DNER: variants seen among roughly 807,000 people sequenced by gnomAD.
The protein encoded by DNER is delta and Notch-like epidermal growth factor-related receptor.
DNER carries 33 observed loss-of-function variants against 78.2 expected under a neutral mutation model. That is an observed-to-expected ratio of 0.42 (90% CI 0.32 to 0.56). The LOEUF (loss-of-function observed/expected upper bound fraction) is 0.56. Among genes scored for constraint, DNER ranks in the 20% least tolerant of loss-of-function variants. The probability of loss-of-function intolerance (pLI) is 0.11; values close to 1 mark genes in which losing one functional copy is unlikely to be tolerated. For missense variants in DNER, 918 were observed against 975.3 expected (o/e 0.94, Z 0.78); for synonymous variants, 417 against 384.8 (o/e 1.08, Z -0.98).
At chr2:229,502,893 C>T (rs1002199552) in intron 6 of DNER, among the ~76,000 whole-genome samples, 2 of 152,136 alleles carry the variant, frequency 1.3e-5, no homozygotes, top group African/African-American at 4.8e-5. Context: ...GGGGTGTCCC[C>T]CTTAGATATT....
At chr2:229,485,042 A>C (rs966599133) in intron 6 of DNER, among the ~76,000 whole-genome samples, 2 of 152,236 alleles carry the variant, frequency 1.3e-5, no homozygotes, top group African/African-American at 4.8e-5. Context: ...TCTATGAATA[A>C]GTAAAATAAT....
intron 1 of DNER, among the ~76,000 whole-genome samples, chr2:229,629,749 C>T (rs1698403229): frequency 6.6e-6 from 1 of 152,158 alleles, no homozygotes; most frequent in African/African-American, 2.4e-5. Context: ...GGGACAGCAC[C>T]CAGAAATGCA....
chr2:229,656,864 A>T (rs1574945929), intron 1 of DNER, among the ~76,000 whole-genome samples: 2 of 152,330 alleles, frequency 1.3e-5, no homozygotes, highest in East Asian at 3.9e-4. Flanking sequence ...GTTGAGGCAT[A>T]CTTAAGAAAT....
intron 6 of DNER, among the ~76,000 whole-genome samples, chr2:229,506,276 G>A (rs2154212120): frequency 6.6e-6 from 1 of 152,212 alleles, no homozygotes; most frequent in East Asian, 1.9e-4. Context: ...AGAAGAATGA[G>A]AACTGAGCAA....
intron 1 of DNER, among the ~76,000 whole-genome samples, chr2:229,673,426 T>C (rs1042478604): frequency 2.0e-5 from 3 of 152,216 alleles, no homozygotes; most frequent in African/African-American, 7.2e-5. Flanking sequence ...CTTGCCCTCC[T>C]GGGGAGGAAG....
intron 4 of DNER, among the ~76,000 whole-genome samples, chr2:229,568,285 A>G: frequency 6.6e-6 from 1 of 152,148 alleles, no homozygotes. Context: ...TCCTGGGCTT[A>G]AGCAATCTTC....
rs749447064 is a variant in DNER at position 229,495,033 on chromosome 2, T to C, written c.1147+17750A>G. On this transcript the variant is annotated intron_variant, in intron 6 of 12. Transcript: ENST00000341772. ...TTAAGTATTCTCTTCAGAACAACTT[T>C]CTCATTTTTTTGCAATATAGATAGA... Among the ~76,000 whole-genome samples the C allele has an allele frequency of 2.8e-4, 42 of 152,208 alleles. 2 individuals carry two copies. The highest frequency in any genetic ancestry group is 1.2e-4 in the African/African-American group (5 of 41,448).
rs141765451 is a variant in DNER at position 229,599,868 on chromosome 2, A to G, written c.277-7980T>C. ...CAATCTTAAACACAAATAAAATGTT[A>G]TGTATTTATTTGTATGTATATTTAC... On this transcript the variant is annotated intron_variant, in intron 1 of 12. Transcript: ENST00000341772. Among the ~76,000 whole-genome samples the G allele has an allele frequency of 4.2e-3, 642 of 152,330 alleles. 3 individuals carry two copies. Among genetic ancestry groups the G allele is most frequent in the Middle Eastern group, 0.017 (5 of 294 alleles).
In DNER at chr2:229,591,754, G is replaced by A. The variant is rs777335835; in HGVS notation, c.411C>T (p.Pro137=). The stretch of plus-strand genomic sequence containing the variant: ...CGGTCCAGCCAGTGGCTGGGAGACT[G>A]GGAAGTGCCTGTTCACAGTTGGGAC... The part of the protein sequence containing the change: ...YEGPNCEQAL[P]SLPATGWTES... The change falls in exon 2 of 13, where the codon CCC becomes CCT. Residue 137 remains proline, a synonymous_variant. Transcript: ENST00000341772. The surrounding 1 kb of genome is among the most constrained non-coding windows in gnomAD (Gnocchi z 4.6). 1.2e-5 allele frequency: 19 copies of A among 1,614,166 alleles called. No homozygotes were observed. The South Asian group carries it at 1.9e-4, about 16-fold the overall frequency.
intron 4 of DNER, among the ~76,000 whole-genome samples, chr2:229,578,246 G>A (rs1256529948): frequency 2.6e-5 from 4 of 152,006 alleles, no homozygotes; most frequent in South Asian, 4.2e-4. Flanking sequence ...CTCCCATCTC[G>A]TCCCTATCAC....
At chr2:229,571,599 T>C (rs559970232) in intron 4 of DNER, among the ~76,000 whole-genome samples, 2 of 152,270 alleles carry the variant, frequency 1.3e-5, no homozygotes, top group South Asian at 4.1e-4. Context: ...CTTCTACCCC[T>C]GGCCTCCCCG....
rs764293942 is a variant in DNER at position 229,447,355 on chromosome 2, G to A, written c.1447C>T (p.Arg483Cys). 1.3e-5 allele frequency: 21 copies of A among 1,610,576 alleles called. No individual in the cohort carries two copies. Among genetic ancestry groups the A allele is most frequent in the African/African-American group, 6.7e-5 (5 of 74,880 alleles). The change falls in exon 8 of 13, where the codon CGC becomes TGC. Residue 483 changes from arginine to cysteine, a missense_variant. Arg to Cys is a radical substitution (Grantham distance 180). Transcript: ENST00000341772. ...CATTTGTAGCTGGTGCCCACGCTGC[G>A]GCACGTGCCATGAGCACAGGGGCTG... is the stretch of plus-strand genomic sequence containing the variant. ...ALSPCAHGTCRSVGTSYKCLC... is the reference protein window; with the variant it reads ...ALSPCAHGTCCSVGTSYKCLC...
intron 11 of DNER, among the ~76,000 whole-genome samples, chr2:229,381,123 C>A (rs571973334): frequency 1.3e-5 from 2 of 152,058 alleles, no homozygotes; most frequent in African/African-American, 4.8e-5. Flanking sequence ...CCATGGAGGG[C>A]GAGCAGAAGC....
intron 4 of DNER, among the ~76,000 whole-genome samples, chr2:229,581,305 A>T (rs1407880431): frequency 6.6e-6 from 1 of 152,220 alleles, no homozygotes; most frequent in South Asian, 2.1e-4. Flanking sequence ...ATGTGACTGG[A>T]GCAATGAATT....
chr2:229,432,590 A>G (rs1694030894), intron 8 of DNER, among the ~76,000 whole-genome samples: 1 of 152,206 alleles, frequency 6.6e-6, no homozygotes, highest in African/African-American at 2.4e-5. Flanking sequence ...AGTTACTAAT[A>G]GACATTCATT....
chr2:229,590,444 GA>G, intron 2 of DNER, among the ~76,000 whole-genome samples: 1 of 152,068 alleles, frequency 6.6e-6, no homozygotes, highest in Non-Finnish European at 1.5e-5. Flanking sequence ...ACCAAAAATA[GA>G]ACCTAAATGA....
chr2:229,515,234 C>T (rs1270035859), intron 5 of DNER, among the ~76,000 whole-genome samples: 1 of 152,112 alleles, frequency 6.6e-6, no homozygotes, highest in Non-Finnish European at 1.5e-5. Flanking sequence ...TTTTTTAAAA[C>T]AGGAAACTCC....
At chr2:229,531,756 C>G (rs562397901) in intron 5 of DNER, among the ~76,000 whole-genome samples, 1 of 152,294 alleles carries the variant, frequency 6.6e-6, no homozygotes, top group Admixed American at 6.5e-5. Context: ...GTAGAAACAA[C>G]CCAAATGTCT....
chr2:229,680,062 A>T (rs1699360938), intron 1 of DNER, among the ~76,000 whole-genome samples: 1 of 152,202 alleles, frequency 6.6e-6, no homozygotes, highest in Non-Finnish European at 1.5e-5. Flanking sequence ...CCACACAATC[A>T]TGAAGTAGTA....
Sources: gnomAD v4.1 joint callset for allele counts (sites outside exome capture counted in the v4.1 genomes callset) on GRCh38, gnomAD v4.1.1 for gene constraint, Gnocchi (gnomAD v3.1) non-coding constraint, MANE v1.5 for transcripts, NCBI Gene and HGNC (gene_info 2026-07-23, HGNC 2026-07-21) for gene names.